The following STXBP5 variants were observed in gnomAD, a reference collection of about 807,000 sequenced individuals.
STXBP5 encodes syntaxin-binding protein 5.
In STXBP5, 50 loss-of-function variants were observed where a neutral mutation model predicts 152.4. That is an observed-to-expected ratio of 0.33 (90% CI 0.26 to 0.42). The LOEUF (loss-of-function observed/expected upper bound fraction) is 0.42. Among genes scored for constraint, STXBP5 ranks in the 10% least tolerant of loss-of-function variants. The pLI is 1.00. For missense variants in STXBP5, 1,167 were observed against 1,388.6 expected (o/e 0.84, Z 2.54); for synonymous variants, 492 against 494.7 (o/e 0.99, Z 0.07).
At chr6:147,232,794 A>G (rs1778069660) in intron 2 of STXBP5, among the ~76,000 whole-genome samples, 1 of 151,884 alleles carries the variant, frequency 6.6e-6, no homozygotes, top group South Asian at 2.1e-4. Context: ...GCTAGAAGTT[A>G]AGGAACTATG....
At chr6:147,224,310 C>T (rs1777603747) in intron 2 of STXBP5, among the ~76,000 whole-genome samples, 1 of 152,148 alleles carries the variant, frequency 6.6e-6, no homozygotes, top group African/African-American at 2.4e-5. Context: ...CCTGTAATCC[C>T]AGCTACTGGG....
intron 7 of STXBP5, 57 bp from the exon 8 acceptor site, chr6:147,278,024 A>G: frequency 6.9e-7 from 1 of 1,441,708 alleles, no homozygotes; most frequent in South Asian, 1.3e-5. Context: ...GAGATCATTT[A>G]CAAATAGTTT....
chr6:147,329,945 A>C (rs1783485133), intron 18 of STXBP5, among the ~76,000 whole-genome samples: 1 of 152,130 alleles, frequency 6.6e-6, no homozygotes, highest in Non-Finnish European at 1.5e-5. Context: ...CTTTTTTAAA[A>C]GAACAGTTTG....
intron 9 of STXBP5, among the ~76,000 whole-genome samples, chr6:147,306,790 A>G (rs1338449569): frequency 6.6e-6 from 1 of 152,180 alleles, no homozygotes; most frequent in African/African-American, 2.4e-5. Context: ...TTTAGGTCCC[A>G]GCCCAACTGC....
At chr6:147,217,160 ACT>A (rs1777212587) in intron 2 of STXBP5, among the ~76,000 whole-genome samples, 1 of 152,074 alleles carries the variant, frequency 6.6e-6, no homozygotes, top group South Asian at 2.1e-4. Context: ...CTATTGCAGT[ACT>A]TTCTGCTAAA....
chr6:147,280,904 T>C (rs1438005063), intron 8 of STXBP5, among the ~76,000 whole-genome samples: 2 of 152,214 alleles, frequency 1.3e-5, no homozygotes, highest in Admixed American at 6.5e-5. Context: ...GTGTTAGCAG[T>C]CTAATAGTAG....
intron 19 of STXBP5, among the ~76,000 whole-genome samples, 178 bp downstream of exon 19, chr6:147,334,400 G>A (rs1156939434): frequency 6.6e-6 from 1 of 152,140 alleles, no homozygotes; most frequent in Non-Finnish European, 1.5e-5. Context: ...GGAAAGAAAT[G>A]TAGCTTGTGC....
At chr6:147,287,777 G>C (rs1282452502) in intron 8 of STXBP5, among the ~76,000 whole-genome samples, 1 of 151,932 alleles carries the variant, frequency 6.6e-6, no homozygotes, top group Non-Finnish European at 1.5e-5. Context: ...TTGTTTCTAT[G>C]GAATAAATAC....
chr6:147,294,892 TC>T (rs935714639), intron 9 of STXBP5, among the ~76,000 whole-genome samples: 1 of 152,170 alleles, frequency 6.6e-6, no homozygotes, highest in African/African-American at 2.4e-5. Flanking sequence ...ATGCACTTCT[TC>T]CTATGGGGCA....
chr6:147,219,809 T>TG (rs1286470252), intron 2 of STXBP5, among the ~76,000 whole-genome samples: 1 of 149,592 alleles, frequency 6.7e-6, no homozygotes, highest in Non-Finnish European at 1.5e-5. Context: ...GTTTTTTTTT[T>TG]TTTTTTTTTT....
Position 147,256,734 on chromosome 6 carries a change from G to C in STXBP5, c.432-3881G>C, listed in dbSNP as rs73584513. 4.1e-3 allele frequency among the ~76,000 whole-genome samples: 620 copies of C among 152,184 alleles called. 4 individuals are homozygous for C. The highest frequency in any genetic ancestry group is 0.014 in the African/African-American group (593 of 41,520). ...GGGAGTACGCTGGGAATGTCTGATT[G>C]TTTTATTAATTACTATGATAGGTTC... On this transcript the variant is annotated intron_variant, in intron 4 of 27. Transcript: ENST00000321680.
At chr6:147,247,974 TAAG>T (rs1176472776) in intron 4 of STXBP5, among the ~76,000 whole-genome samples, 1 of 151,768 alleles carries the variant, frequency 6.6e-6, no homozygotes, top group Non-Finnish European at 1.5e-5. Context: ...AAGGCGAATA[TAAG>T]AAGAGTACTT....
At chr6:147,355,207 G>C (rs1187288837) in intron 22 of STXBP5, among the ~76,000 whole-genome samples, 1 of 152,178 alleles carries the variant, frequency 6.6e-6, no homozygotes. Flanking sequence ...GCAAACATCA[G>C]AACCATTATA....
At chr6:147,265,795 A>G (rs1175200005) in intron 6 of STXBP5, among the ~76,000 whole-genome samples, 3 of 152,106 alleles carry the variant, frequency 2.0e-5, no homozygotes, top group African/African-American at 2.4e-5. Context: ...CGTTAGAGGT[A>G]TTGTGGTAAA....
chr6:147,230,649 A>G (rs1036043785), intron 2 of STXBP5, among the ~76,000 whole-genome samples: 4 of 151,424 alleles, frequency 2.6e-5, no homozygotes, highest in African/African-American at 9.7e-5. Context: ...AATTGGCTCA[A>G]TATATTTTGC....
chr6:147,306,721 A>T lies in STXBP5; in HGVS notation c.918-3363A>T, dbSNP rs115761467. On this transcript the variant is annotated intron_variant, in intron 9 of 27. Transcript: ENST00000321680. ...GTCTTTGTGGTGGCTATTCCTGCTG[A>T]CTAGAGTGGACCTCCTTCTTCCACA... is the stretch of plus-strand genomic sequence containing the variant. Among the ~76,000 whole-genome samples the T allele has an allele frequency of 9.8e-3, 1,486 of 152,124 alleles. 22 individuals are homozygous for T. The highest frequency in any genetic ancestry group is 0.034 in the African/African-American group (1,419 of 41,492).
intron 7 of STXBP5, among the ~76,000 whole-genome samples, chr6:147,276,806 A>G (rs943837369): frequency 1.3e-5 from 2 of 152,124 alleles, no homozygotes; most frequent in African/African-American, 4.8e-5. Context: ...CTGACTTACA[A>G]TATTTCTTCA....
intron 3 of STXBP5, among the ~76,000 whole-genome samples, chr6:147,238,034 A>C (rs1204651936): frequency 6.6e-6 from 1 of 152,238 alleles, no homozygotes; most frequent in Non-Finnish European, 1.5e-5. Flanking sequence ...TTCACAATTT[A>C]AATCAGAATC....
At chr6:147,264,307 T>C (rs1449067706) in intron 6 of STXBP5, among the ~76,000 whole-genome samples, 1 of 152,086 alleles carries the variant, frequency 6.6e-6, no homozygotes, top group Non-Finnish European at 1.5e-5. Flanking sequence ...TAGGTTAGAC[T>C]TATGATAGGA....
Sources: allele counts gnomAD v4.1 joint callset (sites outside exome capture counted in the v4.1 genomes callset), GRCh38; gene constraint gnomAD v4.1.1; transcripts MANE v1.5; gene names NCBI Gene and HGNC (gene_info 2026-07-23, HGNC 2026-07-21).